SH3TC1: variants seen among roughly 807,000 people sequenced by gnomAD.
The protein encoded by SH3TC1 is SH3 domain and tetratricopeptide repeats 1.
In SH3TC1, 135 loss-of-function variants were observed where a neutral mutation model predicts 117.3. The ratio of observed to expected loss-of-function variants is 1.15; its 90% CI spans 1.00 to 1.33. SH3TC1 has a LOEUF of 1.33. SH3TC1 is among the 40% of genes most tolerant of loss of function. The pLI, the probability that SH3TC1 is intolerant of heterozygous loss-of-function variation, is 0.00. For synonymous variants in SH3TC1, 898 were observed against 816.9 expected (o/e 1.10, Z -1.69); for missense variants, 2,092 against 1,794.3 (o/e 1.17, Z -3.00).
rs202013693 is a variant in SH3TC1 at position 8,240,683 on chromosome 4, G to T, written c.3754-15G>T. 3 of 1,613,770 alleles carry T rather than the reference G, an allele frequency of 1.9e-6. No homozygotes were observed. The highest frequency in any genetic ancestry group is 1.7e-5 in the Admixed American group (1 of 60,026). ...CCGAGTCCCCCTTTTGCTGAGCATG[G>T]CCTGTCCCCTTCAGGACCCGTTTGA... On this transcript the variant is annotated splice_polypyrimidine_tract_variant and intron_variant, in intron 17 of 17. Coordinates refer to ENST00000245105, the MANE Select transcript of SH3TC1 (RefSeq NM_018986.5).
chr4:8,217,522 A>G (rs916318728), intron 7 of SH3TC1, among the ~76,000 whole-genome samples: 1 of 152,248 alleles, frequency 6.6e-6, no homozygotes, highest in Non-Finnish European at 1.5e-5. Flanking sequence ...GGACCCACAG[A>G]TAGAGCCAGG....
At chr4:8,214,701 T>A in intron 5 of SH3TC1, 121 bp downstream of exon 5, 2 of 803,016 alleles carry the variant, frequency 2.5e-6, no homozygotes, top group Non-Finnish European at 4.0e-6. Context: ...TGTATTGTTT[T>A]AAGACGAAGT....
intron 8 of SH3TC1, among the ~76,000 whole-genome samples, chr4:8,218,742 A>G (rs1719586134): frequency 6.6e-6 from 1 of 152,248 alleles, no homozygotes; most frequent in African/African-American, 2.4e-5. Context: ...CCCTGGGCCG[A>G]GGTGGGCTGG....
chr4:8,220,213 G>A (rs1393149804), intron 9 of SH3TC1, among the ~76,000 whole-genome samples: 5 of 152,134 alleles, frequency 3.3e-5, no homozygotes, highest in Admixed American at 2.0e-4. Flanking sequence ...GCTCTCCTCC[G>A]TTAAGCCCCA....
At chr4:8,230,750 T>C (rs1204790877) in intron 12 of SH3TC1, among the ~76,000 whole-genome samples, 1 of 151,882 alleles carries the variant, frequency 6.6e-6, no homozygotes, top group Non-Finnish European at 1.5e-5. Context: ...CAGCACTGCC[T>C]TAGCTGCATC....
At chr4:8,218,431 C>A in intron 8 of SH3TC1, 84 bp downstream of exon 8, 3 of 941,048 alleles carry the variant, frequency 3.2e-6, no homozygotes, top group Non-Finnish European at 4.9e-6. Flanking sequence ...TGCCCTACAT[C>A]CTCCCTGAGC....
Position 8,228,496 on chromosome 4 carries a change from G to A in SH3TC1, c.2802G>A (p.Ser934=), listed in dbSNP as rs779149419. 22 of 1,611,432 alleles carry A rather than the reference G, an allele frequency of 1.4e-5. No individual in the cohort carries two copies. The highest frequency in any genetic ancestry group is 1.7e-4 in the Middle Eastern group (1 of 6,012). ...TCCTGGAGGCCGTGCGGCTGTTCTC[G>A]AGGCTGCCCCTTGGGGAGTGTGGCC... The part of the protein sequence containing the change: ...HYLLEAVRLF[S]RLPLGECGRD... Residue 934 remains serine (S), a synonymous_variant, in exon 12 of 18, where the codon TCG becomes TCA. Coordinates refer to ENST00000245105, the MANE Select transcript of SH3TC1 (RefSeq NM_018986.5).
chr4:8,230,874 G>T (rs1047059851), intron 12 of SH3TC1, among the ~76,000 whole-genome samples: 7 of 151,236 alleles, frequency 4.6e-5, no homozygotes, highest in African/African-American at 1.7e-4. Context: ...CCTCTACCCG[G>T]GTTCAAGCCA....
At chr4:8,202,615 G>A (rs573932435) in intron 1 of SH3TC1, among the ~76,000 whole-genome samples, 1 of 152,320 alleles carries the variant, frequency 6.6e-6, no homozygotes, top group African/African-American at 2.4e-5. Flanking sequence ...TGGAGCAGGT[G>A]TGCAGATGGA....
At chr4:8,229,411 G>A (rs955379689) in intron 12 of SH3TC1, among the ~76,000 whole-genome samples, 1 of 142,304 alleles carries the variant, frequency 7.0e-6, no homozygotes, top group African/African-American at 2.6e-5. Flanking sequence ...GAGCGAGTAG[G>A]GGTGAGTGAG....
At chr4:8,202,512 A>G (rs1381591767) in intron 1 of SH3TC1, among the ~76,000 whole-genome samples, 1 of 152,164 alleles carries the variant, frequency 6.6e-6, no homozygotes, top group East Asian at 1.9e-4. Flanking sequence ...CTGATTCACC[A>G]TTCCCGGCCC....
chr4:8,231,758 A>C, intron 12 of SH3TC1: 1 of 572,254 alleles, frequency 1.7e-6, no homozygotes, highest in Non-Finnish European at 3.1e-6. Flanking sequence ...AAGCTCGGCT[A>C]GGGCCTCAGC....
intron 13 of SH3TC1, 153 bp downstream of exon 13, chr4:8,232,309 G>T (rs1199354079): frequency 1.3e-6 from 2 of 1,483,442 alleles, no homozygotes; most frequent in African/African-American, 2.8e-5. Context: ...TGGGGGGCCT[G>T]GGGTTGTCCC....
rs372704349 is a variant in SH3TC1, at chr4:8,217,199, G to C, written c.839+32G>C. 17 of 1,567,406 alleles carry C rather than the reference G, an allele frequency of 1.1e-5. No individual in the cohort carries two copies. The African/African-American group carries it at 2.3e-4, about 21-fold the overall frequency. ...ACCGGCCTTTGCTGCTCTGAGAGCTGTTGGCCTCGCTGAGACTCCCAGGCC... is the reference window on the plus strand; with the variant it reads ...ACCGGCCTTTGCTGCTCTGAGAGCTCTTGGCCTCGCTGAGACTCCCAGGCC... On this transcript the variant is annotated intron_variant, in intron 7 of 17. Coordinates refer to ENST00000245105, the MANE Select transcript of SH3TC1 (RefSeq NM_018986.5).
At chr4:8,219,722 T>C (rs1239619594) in intron 9 of SH3TC1, among the ~76,000 whole-genome samples, 192 bp downstream of exon 9, 1 of 152,192 alleles carries the variant, frequency 6.6e-6, no homozygotes, top group Admixed American at 6.5e-5. Context: ...TGGCGTCCTT[T>C]CTCCGGGCTG....
At chr4:8,221,276 T>G (rs1171435190) in intron 9 of SH3TC1, among the ~76,000 whole-genome samples, 1 of 152,204 alleles carries the variant, frequency 6.6e-6, no homozygotes, top group East Asian at 1.9e-4. Context: ...AGCTAGTTTG[T>G]TCCCTTCCTT....
In SH3TC1 at chr4:8,192,001, T is replaced by TTATTTATC. The variant is rs945679867; in HGVS notation, c.-57+9791_-57+9792insTATTTATC. 1.6e-4 allele frequency among the ~76,000 whole-genome samples: 24 copies of TTATTTATC among 150,724 alleles called. No individual in the cohort carries two copies. The highest frequency in any genetic ancestry group is 5.6e-4 in the African/African-American group (23 of 40,982). On this transcript the variant is annotated intron_variant, in intron 1 of 16. Coordinates refer to the SH3TC1 transcript ENST00000508641. The surrounding 1 kb of genome is among the most constrained non-coding windows in gnomAD (Gnocchi z 4.1). ...TTTATTTATTTATTTATTTATTTAT[T>TTATTTATC]ATTTTTGAGACGGAGTCTTGCTCTG...
At chr4:8,198,543 A>G (rs77913915), upstream of SH3TC1, among the ~76,000 whole-genome samples, 17,856 of 152,288 alleles carry the variant, frequency 0.12, 1,221 homozygotes, top group African/African-American at 0.13. Context: ...ACGTGAGCCC[A>G]GGCCAGGCTT....
In SH3TC1 at chr4:8,226,971, G is replaced by A; in HGVS notation, c.1286-9G>A. Reference sequence around the variant, plus strand: ...CTCTAATCTGTCTAGGTGTTTTTGTGACTTGCAGAAATACCTCCACCTTGC... The same window carrying A: ...CTCTAATCTGTCTAGGTGTTTTTGTAACTTGCAGAAATACCTCCACCTTGC... On this transcript the variant is annotated splice_polypyrimidine_tract_variant and intron_variant, in intron 11 of 17. Coordinates refer to ENST00000245105, the MANE Select transcript of SH3TC1 (RefSeq NM_018986.5). 1 of 1,525,098 alleles carries A rather than the reference G, an allele frequency of 6.6e-7. No homozygotes were observed. Among genetic ancestry groups the A allele is most frequent in the Non-Finnish European group, 8.8e-7 (1 of 1,135,286 alleles). The allele number at this position is 1,525,098 out of a possible 1,614,324, so 94.5% of individuals were successfully genotyped here. A position where few individuals can be genotyped will look rare whatever the true frequency, so the allele number is the denominator to read the frequency against.
Sources: gnomAD v4.1 joint callset for allele counts (sites outside exome capture counted in the v4.1 genomes callset) on GRCh38, gnomAD v4.1.1 for gene constraint, Gnocchi (gnomAD v3.1) non-coding constraint, MANE v1.5 for transcripts, NCBI Gene and HGNC (gene_info 2026-07-23, HGNC 2026-07-21) for gene names.